PSMD12: variants seen among roughly 807,000 people sequenced by gnomAD.
PSMD12 encodes 26S proteasome non-ATPase regulatory subunit 12.
In PSMD12, 8 loss-of-function variants were observed where a neutral mutation model predicts 62.9. That is an observed-to-expected ratio of 0.13 (90% CI 0.07 to 0.23). The LOEUF is 0.23. PSMD12 is among the 10% of genes least tolerant of loss of function. PSMD12 has a pLI of 1.00. For missense variants in PSMD12, 424 were observed against 550.2 expected, an observed-to-expected ratio of 0.77 and a Z score of 2.29; for synonymous variants, 173 against 187.4, an observed-to-expected ratio of 0.92 and a Z score of 0.63.
Position 67,340,975 on chromosome 17 carries a change from G to A in PSMD12, c.1239C>T (p.Ile413=). 1.3e-6 allele frequency: 2 copies of A among 1,577,584 alleles called. No homozygotes were observed. Among genetic ancestry groups the A allele is most frequent in the Non-Finnish European group, 1.7e-6 (2 of 1,168,492 alleles). ...TTGGATCCTTGGGTCTCTGGAAGTT[G>A]ATAATTCCTGCTAATCTGTCTACTT... ...FAKVDRLAGI[I]NFQRPKDPNN... Residue 413 remains isoleucine, a synonymous_variant, in exon 11 of 11, where the codon ATC becomes ATT. Coordinates refer to ENST00000356126, the MANE Select transcript of PSMD12 (RefSeq NM_002816.5).
chr17:67,366,322 TCCAGCCCGCA>T, intron 1 of PSMD12, 80 bp downstream of exon 1: 1 of 1,276,950 alleles, frequency 7.8e-7, no homozygotes, highest in Non-Finnish European at 1.1e-6. Context: ...GGGTGCACGC[TCCAGCCCGCA>T]GGCCCCCTGA....
intron 1 of PSMD12, among the ~76,000 whole-genome samples, chr17:67,358,994 G>C (rs1195767298): frequency 6.6e-6 from 1 of 152,178 alleles, no homozygotes; most frequent in Non-Finnish European, 1.5e-5. Flanking sequence ...TACACCAGGA[G>C]TAAAACAAGT....
Position 67,345,761 on chromosome 17 carries a change from C to T in PSMD12, c.892G>A (p.Glu298Lys). ...AGTACTTACTTGTATTTGGGAATTT[C>T]TTCTAACTTCTTGTCACCACTTATT... Reference protein sequence around the residue: ...HRISGDKKLEEIPKYKDLLKL... With the variant: ...HRISGDKKLEKIPKYKDLLKL... Residue 298 changes from glutamate to lysine, a missense_variant, in exon 8 of 11, where the codon GAA becomes AAA. Physicochemically the swap from Glu to Lys is moderately conservative, Grantham distance 56. Transcript: ENST00000356126. 6.2e-7 allele frequency: 1 copy of T among 1,608,022 alleles called. No homozygotes were observed. Among genetic ancestry groups the T allele is most frequent in the Non-Finnish European group, 8.5e-7 (1 of 1,175,262 alleles).
intron 3 of PSMD12, among the ~76,000 whole-genome samples, chr17:67,351,924 C>T (rs1177569898): frequency 6.6e-6 from 1 of 151,800 alleles, no homozygotes; most frequent in Non-Finnish European, 1.5e-5. Context: ...TGGCAAAACC[C>T]AGTCTCTACT....
intron 8 of PSMD12, 64 bp downstream of exon 8, chr17:67,345,681 G>C: frequency 7.2e-7 from 1 of 1,395,912 alleles, no homozygotes; most frequent in African/African-American, 1.4e-5. Flanking sequence ...ACTTAGGTTA[G>C]CCAATTTTCT....
intron 3 of PSMD12, among the ~76,000 whole-genome samples, chr17:67,355,874 T>C (rs1461660689): frequency 6.6e-6 from 1 of 151,882 alleles, no homozygotes; most frequent in Non-Finnish European, 1.5e-5. Context: ...ATGCCTGTAA[T>C]CCCAGCACTT....
intron 3 of PSMD12, among the ~76,000 whole-genome samples, chr17:67,351,253 G>A (rs941138926): frequency 2.7e-4 from 41 of 152,014 alleles, no homozygotes; most frequent in Admixed American, 5.2e-4. Flanking sequence ...TTAACCAGGC[G>A]TGGTGGCGGA....
chr17:67,346,994 T>C, intron 7 of PSMD12, 122 bp downstream of exon 7: 1 of 1,076,848 alleles, frequency 9.3e-7, no homozygotes. Flanking sequence ...TGAACAACAC[T>C]GAATAGAAAG....
At chr17:67,362,414 C>T (rs945652986) in intron 1 of PSMD12, among the ~76,000 whole-genome samples, 7 of 152,164 alleles carry the variant, frequency 4.6e-5, no homozygotes, top group Admixed American at 6.5e-5. Flanking sequence ...GTGGCTCACG[C>T]CTGTAATCCC....
chr17:67,353,158 T>C (rs1264393029), intron 3 of PSMD12, among the ~76,000 whole-genome samples: 1 of 152,150 alleles, frequency 6.6e-6, no homozygotes, highest in East Asian at 1.9e-4. Flanking sequence ...AGTGAACGTC[T>C]TGCTCCTCTC....
intron 1 of PSMD12, among the ~76,000 whole-genome samples, chr17:67,363,669 C>T (rs1334143393): frequency 6.6e-6 from 1 of 152,164 alleles, no homozygotes; most frequent in Non-Finnish European, 1.5e-5. Context: ...AGAATGTATA[C>T]TAACTGTTCC....
Position 67,345,850 on chromosome 17 carries a change from T to C in PSMD12, c.803A>G (p.Lys268Arg). The C allele has an allele frequency of 1.2e-6, 2 of 1,611,338 alleles. No individual in the cohort carries two copies. Among genetic ancestry groups the C allele is most frequent in the South Asian group, 2.2e-5 (2 of 90,982 alleles). The change falls in exon 8 of 11, where the codon AAG becomes AGG. Residue 268 changes from lysine to arginine, a missense_variant. Lys to Arg is a conservative substitution (Grantham distance 26). Transcript: ENST00000356126. ...AESEKWQQAL[K>R]SVVLYVILAP... ...CAGGATAACATAGAGTACAACACTC[T>C]TCAGAGCCTAAAAGAGTTGTACAAC...
At chr17:67,358,433 T>C (rs1176095014) in intron 1 of PSMD12, among the ~76,000 whole-genome samples, 1 of 151,808 alleles carries the variant, frequency 6.6e-6, no homozygotes, top group Non-Finnish European at 1.5e-5. Flanking sequence ...CTGGGCATTG[T>C]GGTGCATACC....
chr17:67,366,151 C>CA (rs762552294), intron 1 of PSMD12, among the ~76,000 whole-genome samples: 2 of 152,206 alleles, frequency 1.3e-5, no homozygotes, highest in Non-Finnish European at 2.9e-5. Flanking sequence ...CAAGAAACGG[C>CA]AAAAAGTTAA....
intron 3 of PSMD12, among the ~76,000 whole-genome samples, chr17:67,355,090 T>C (rs1266048195): frequency 1.2e-5 from 1 of 80,326 alleles, no homozygotes; most frequent in African/African-American, 3.1e-5. Context: ...ATATTTTTGG[T>C]TTTTTTTTTT....
intron 3 of PSMD12, among the ~76,000 whole-genome samples, chr17:67,356,006 A>ACG (rs1344524081): frequency 2.3e-4 from 34 of 149,386 alleles, no homozygotes; most frequent in African/African-American, 7.7e-4. Context: ...ACACACACAC[A>ACG]CACGCACACA....
chr17:67,341,434 C>T (rs886118823), intron 10 of PSMD12, among the ~76,000 whole-genome samples: 3 of 135,994 alleles, frequency 2.2e-5, no homozygotes, highest in African/African-American at 5.5e-5. Context: ...CGCACCAATG[C>T]ACTCCCACCT....
chr17:67,362,611 G>T (rs1410654569), intron 1 of PSMD12, among the ~76,000 whole-genome samples: 1 of 147,742 alleles, frequency 6.8e-6, no homozygotes, highest in South Asian at 2.1e-4. Flanking sequence ...GCAGTGAGCC[G>T]AGATCGCGCC....
chr17:67,347,338 C>T lies in PSMD12; in HGVS notation c.658G>A (p.Glu220Lys). ...NTKFFQEENT[E>K]KLKLKYYNLM... ...CATGTGGTCACAGATATGCTCACCT[C>T]TGTATTTTCTTCCTGGAAAAATTTG... The change falls in exon 6 of 11, where the codon GAG becomes AAG. Residue 220 changes from glutamate (E) to lysine (K), a missense_variant and splice_region_variant. Glu to Lys is a moderately conservative substitution (Grantham distance 56). Coordinates refer to ENST00000356126, the MANE Select transcript of PSMD12 (RefSeq NM_002816.5). The T allele has an allele frequency of 6.2e-7, 1 of 1,613,712 alleles. No individual in the cohort carries two copies. Among genetic ancestry groups the T allele is most frequent in the East Asian group, 2.2e-5 (1 of 44,832 alleles).
Sources: allele counts gnomAD v4.1 joint callset (sites outside exome capture counted in the v4.1 genomes callset), GRCh38; gene constraint gnomAD v4.1.1; transcripts MANE v1.5; gene names NCBI Gene and HGNC (gene_info 2026-07-23, HGNC 2026-07-21).